The following LEMD3 variants were observed in gnomAD, a reference collection of about 807,000 sequenced individuals.
LEMD3 encodes LEM domain containing 3, also known as inner nuclear membrane protein Man1.
A neutral mutation model predicts 95.2 loss-of-function variants in LEMD3; 33 were observed. That is an observed-to-expected ratio of 0.35 (90% CI 0.26 to 0.46). LEMD3 has a LOEUF of 0.46. LEMD3 is among the 20% of genes least tolerant of loss of function. LEMD3 has a pLI of 1.00. For synonymous variants in LEMD3, 525 were observed against 474.6 expected, an observed-to-expected ratio of 1.11 and a Z score of -1.38; for missense variants, 1,210 against 1,192.8, an observed-to-expected ratio of 1.01 and a Z score of -0.21.
At chr12:65,193,151 T>G (rs1869297698) in intron 1 of LEMD3, among the ~76,000 whole-genome samples, 1 of 152,132 alleles carries the variant, frequency 6.6e-6, no homozygotes, top group Non-Finnish European at 1.5e-5. Flanking sequence ...TCTTGCCTTC[T>G]CAGCAGAAAG....
chr12:65,193,732 C>CTGTGTGTGTGTG (rs746675293), intron 1 of LEMD3, among the ~76,000 whole-genome samples: 9,034 of 129,268 alleles, frequency 0.07, 412 homozygotes, highest in East Asian at 0.09. Flanking sequence ...ACATAACTGG[C>CTGTGTGTGTGTG]TGTGTGTGTG....
chr12:65,229,969 A>G (rs1300207978), intron 4 of LEMD3, among the ~76,000 whole-genome samples: 1 of 152,162 alleles, frequency 6.6e-6, no homozygotes, highest in Non-Finnish European at 1.5e-5. Flanking sequence ...TAATTATTTA[A>G]TCCATTTTGA....
In LEMD3 at chr12:65,222,592, C is replaced by G. The variant is rs191435387; in HGVS notation, c.1695+3973C>G. On this transcript the variant is annotated intron_variant, in intron 4 of 12. Coordinates refer to ENST00000308330, the MANE Select transcript of LEMD3 (RefSeq NM_014319.5). Reference sequence around the variant, plus strand: ...TAGTTAAGGGTTTGTCAATTTTGATCTTTTCAAAAAATCAACTCTCAGTTT... The same window carrying G: ...TAGTTAAGGGTTTGTCAATTTTGATGTTTTCAAAAAATCAACTCTCAGTTT... Among the ~76,000 whole-genome samples, 29 of 151,978 alleles carry G rather than the reference C, an allele frequency of 1.9e-4. No individual in the cohort carries two copies. In the East Asian group the frequency reaches 5.6e-3, roughly 29 times the overall value.
At chr12:65,208,350 G>A (rs1450729245) in intron 1 of LEMD3, among the ~76,000 whole-genome samples, 2 of 152,092 alleles carry the variant, frequency 1.3e-5, no homozygotes, top group Non-Finnish European at 2.9e-5. Context: ...TATTATCATT[G>A]CTCTAGGATA....
chr12:65,233,809 C>G (rs955397397), intron 4 of LEMD3, among the ~76,000 whole-genome samples: 1 of 152,086 alleles, frequency 6.6e-6, no homozygotes, highest in Non-Finnish European at 1.5e-5. Flanking sequence ...AATCCAAGTT[C>G]AGAGCATCTG....
At position 65,170,926 on chromosome 12, in the gene LEMD3, C is replaced by G. The variant is rs144127577; in HGVS notation, c.1330C>G (p.Pro444Ala). The G allele has an allele frequency of 5.4e-4, 876 of 1,614,198 alleles. 1 individual carries two copies. Among genetic ancestry groups the G allele is most frequent in the Non-Finnish European group, 6.3e-4 (746 of 1,180,044 alleles). ...HTYLKNTYNK[P>A]KLSEPEEELL... ...CTACCTGAAAAACACATACAACAAA[C>G]CGAAGCTTTCCGAACCCGAAGAGGA... The change falls in exon 1 of 13, where the codon CCG becomes GCG. Residue 444 changes from proline (P) to alanine (A), a missense_variant. Physicochemically the swap from Pro to Ala is conservative, Grantham distance 27 (BLOSUM62 -1). This residue lies in a region of LEMD3 where 749 missense variants were observed against 622.9 expected (regional missense o/e 1.20). Coordinates refer to ENST00000308330, the MANE Select transcript of LEMD3 (RefSeq NM_014319.5).
rs571694099 is a variant in LEMD3 at position 65,184,100 on chromosome 12, C to T, written c.1522+12982C>T. Among the ~76,000 whole-genome samples the T allele has an allele frequency of 3.3e-5, 5 of 152,220 alleles. No homozygotes were observed. In the East Asian group the frequency reaches 9.7e-4, roughly 29 times the overall value. On this transcript the variant is annotated intron_variant, in intron 1 of 12. Coordinates refer to ENST00000308330, the MANE Select transcript of LEMD3 (RefSeq NM_014319.5). ...GAGAAAGAATTGAGAAGTTCTTATT[C>T]ATCATGCTCTTTGAATTGTAAATAT... is the stretch of plus-strand genomic sequence containing the variant.
At chr12:65,203,194 A>AT (rs776577664) in intron 1 of LEMD3, among the ~76,000 whole-genome samples, 159 of 151,960 alleles carry the variant, frequency 1.0e-3, no homozygotes, top group Non-Finnish European at 2.1e-3. Context: ...TTAAGTTGCA[A>AT]TTTTTTGAAT....
intron 4 of LEMD3, among the ~76,000 whole-genome samples, chr12:65,225,098 G>C (rs1314959317): frequency 6.6e-6 from 1 of 152,098 alleles, no homozygotes; most frequent in South Asian, 2.1e-4. Context: ...AATATTTTCT[G>C]TCTCTTTGTT....
Position 65,240,238 on chromosome 12 carries a change from GGTGT to G in LEMD3, c.2126+3_2126+6del. The G allele has an allele frequency of 3.1e-6, 5 of 1,602,356 alleles. No homozygotes were observed. Among genetic ancestry groups the G allele is most frequent in the Non-Finnish European group, 4.3e-6 (5 of 1,169,404 alleles). On this transcript the variant is annotated splice_donor_variant and splice_donor_region_variant and intron_variant, in intron 8 of 12. Transcript: ENST00000308330. LOFTEE classifies it high-confidence loss of function. ...GATTCCTTAATACAGCCTCATGACA[GGTGT>G]GTTCAAAGCATTATGAGTTCAAGTA... is the stretch of plus-strand genomic sequence containing the variant.
At chr12:65,180,322 A>G (rs557953429) in intron 1 of LEMD3, among the ~76,000 whole-genome samples, 22 of 151,020 alleles carry the variant, frequency 1.5e-4, no homozygotes, top group South Asian at 1.3e-3. Context: ...TTAATAATCT[A>G]TGCTTTAAAC....
At chr12:65,233,377 C>T (rs1870686026) in intron 4 of LEMD3, among the ~76,000 whole-genome samples, 1 of 152,024 alleles carries the variant, frequency 6.6e-6, no homozygotes, top group African/African-American at 2.4e-5. Flanking sequence ...TTCACTTGTC[C>T]CATTTAAGGT....
chr12:65,243,530 A>G (rs988879223), intron 10 of LEMD3, 61 bp downstream of exon 10: 6 of 929,240 alleles, frequency 6.5e-6, no homozygotes, highest in East Asian at 4.8e-5. Flanking sequence ...TGGAAAATGC[A>G]TGATATTCTT....
chr12:65,223,291 A>G (rs1254439961), intron 4 of LEMD3, among the ~76,000 whole-genome samples: 1 of 146,034 alleles, frequency 6.8e-6, no homozygotes, highest in East Asian at 2.0e-4. Flanking sequence ...TCCTTGTCTC[A>G]TGTGATGATT....
At chr12:65,194,949 T>A (rs1328036412) in intron 1 of LEMD3, among the ~76,000 whole-genome samples, 1 of 151,132 alleles carries the variant, frequency 6.6e-6, no homozygotes, top group East Asian at 2.0e-4. Flanking sequence ...TAATCTAAAT[T>A]TCTCCCAAAG....
At chr12:65,219,341 A>G (rs777752275) in intron 4 of LEMD3, among the ~76,000 whole-genome samples, 2 of 152,252 alleles carry the variant, frequency 1.3e-5, no homozygotes, top group Admixed American at 6.5e-5. Context: ...GAAAGGTAGT[A>G]AAAGATTAAA....
At position 65,170,502 on chromosome 12, in the gene LEMD3, C is replaced by G. The variant is rs376059733; in HGVS notation, c.906C>G (p.Ala302=). 1.9e-6 allele frequency: 3 copies of G among 1,614,004 alleles called. No individual in the cohort carries two copies. The highest frequency in any genetic ancestry group is 2.2e-5 in the East Asian group (1 of 44,870). ...TCCCCCCGCTGACTGCTAAATCGGC[C>G]GGCGGCAGGCTGGAGACTTCAGTTC... is the stretch of plus-strand genomic sequence containing the variant. ...KPLPPLTAKS[A]GGRLETSVQG... is the part of the protein sequence containing the mutation. Residue 302 remains alanine (A), a synonymous_variant, in exon 1 of 13, where the codon GCC becomes GCG. Coordinates refer to ENST00000308330, the MANE Select transcript of LEMD3 (RefSeq NM_014319.5).
intron 4 of LEMD3, among the ~76,000 whole-genome samples, chr12:65,233,162 C>T (rs1400642154): frequency 1.3e-5 from 2 of 152,120 alleles, no homozygotes; most frequent in Non-Finnish European, 2.9e-5. Flanking sequence ...GGGCTAATAA[C>T]TAGAGTATCC....
chr12:65,171,263 C>T (rs1868542781), intron 1 of LEMD3, 145 bp downstream of exon 1: 2 of 1,413,168 alleles, frequency 1.4e-6, no homozygotes, highest in Non-Finnish European at 1.9e-6. Context: ...CATGTGTCAT[C>T]TTTCTTAAAG....
Sources: gnomAD v4.1 joint callset for allele counts (sites outside exome capture counted in the v4.1 genomes callset) on GRCh38, gnomAD v4.1.1 for gene constraint, gnomAD v4.1.1 regional missense constraint, MANE v1.5 for transcripts, NCBI Gene and HGNC (gene_info 2026-07-23, HGNC 2026-07-21) for gene names.